GNPDA1: variants seen among roughly 807,000 people sequenced by gnomAD.
The protein encoded by GNPDA1 is GNPDA 1.
In GNPDA1, 24 loss-of-function variants were observed where a neutral mutation model predicts 28.5. The observed-to-expected ratio is 0.84, with a 90% CI of 0.61 to 1.19. The LOEUF (loss-of-function observed/expected upper bound fraction) is 1.19, where lower values mean the gene tolerates loss of function less well. GNPDA1 is among the 50% of genes most tolerant of loss of function. The pLI, the probability that GNPDA1 is intolerant of heterozygous loss-of-function variation, is 0.00. For missense variants in GNPDA1, 264 were observed against 367.3 expected (o/e 0.72, Z 2.30); for synonymous variants, 147 against 139.3 (o/e 1.06, Z -0.39).
intron 5 of GNPDA1, 148 bp downstream of exon 5, chr5:142,004,784 A>C: frequency 2.0e-6 from 1 of 511,328 alleles, no homozygotes; most frequent in Non-Finnish European, 3.5e-6. Context: ...CGCAAGAGGA[A>C]CAGTGAGTAA....
Position 142,003,097 on chromosome 5 carries a change from ACTTGACAGT to A in GNPDA1, c.751_759del (p.Thr251_Lys253del). 6.2e-7 allele frequency: 1 copy of A among 1,612,824 alleles called. No homozygotes were observed. Among genetic ancestry groups the A allele is most frequent in the Non-Finnish European group, 8.5e-7 (1 of 1,179,230 alleles). The stretch of plus-strand genomic sequence containing the variant: ...CCCACACCTCCCTCACCTTTGAAAT[ACTTGACAGT>A]CTTCACTTTCAGCTCCAAGGTGGCA... On this transcript the variant is annotated inframe_deletion, in exon 6 of 7. Transcript: ENST00000311337. The surrounding 1 kb of genome is among the most constrained non-coding windows in gnomAD (Gnocchi z 4.0).
At chr5:142,007,380 C>T (rs903669019) in intron 3 of GNPDA1, among the ~76,000 whole-genome samples, 1 of 151,938 alleles carries the variant, frequency 6.6e-6, no homozygotes, top group Admixed American at 6.6e-5. Context: ...TTCAAGTGTA[C>T]CTGGCAGAAA....
In GNPDA1 at chr5:142,003,667, C is replaced by T. The variant is rs1755731365; in HGVS notation, c.595-405G>A. ...GAAAGAGGGCTCCCAACCTGCACCA[C>T]CAGCAAGGGCACTTTGCAAGCAATG... On this transcript the variant is annotated intron_variant, in intron 5 of 6. Transcript: ENST00000311337. This position sits in a 1 kb window ranked among gnomAD's most constrained non-coding sequence, Gnocchi z 4.0. Among the ~76,000 whole-genome samples the T allele has an allele frequency of 6.6e-6, 1 of 152,220 alleles. No homozygotes were observed.
chr5:142,008,741 G>T (rs1712412945), intron 2 of GNPDA1, among the ~76,000 whole-genome samples: 1 of 148,828 alleles, frequency 6.7e-6, no homozygotes, highest in Non-Finnish European at 1.5e-5. Context: ...AAAAAAAAAA[G>T]TCAATGTCAT....
rs577698464 is a variant in GNPDA1, at chr5:142,005,043, C to T, written c.483G>A (p.Thr161=). ...TGGCCAGGATGGTATCCATGGCCAG[C>T]GTCTTCACACGGGTCCTGGACACCA... ...SSLVSRTRVK[T]LAMDTILANA... The change falls in exon 5 of 7, where the codon ACG becomes ACA. Residue 161 remains threonine, a synonymous_variant. Coordinates refer to ENST00000311337, the MANE Select transcript of GNPDA1 (RefSeq NM_005471.5). 25 of 1,613,394 alleles carry T rather than the reference C, an allele frequency of 1.5e-5. No individual in the cohort carries two copies. Among genetic ancestry groups the T allele is most frequent in the African/African-American group, 5.3e-5 (4 of 75,004 alleles).
chr5:142,007,990 G>A, intron 2 of GNPDA1, 90 bp from the exon 3 acceptor site: 2 of 735,118 alleles, frequency 2.7e-6, no homozygotes, highest in Non-Finnish European at 2.5e-6. Context: ...GCTGCTCACA[G>A]GGAGAACCTG....
chr5:142,006,226 C>T lies in GNPDA1; in HGVS notation c.327G>A (p.Gly109=). The T allele has an allele frequency of 2.5e-6, 4 of 1,613,870 alleles. No individual in the cohort carries two copies. The highest frequency in any genetic ancestry group is 3.4e-6 in the Non-Finnish European group (4 of 1,179,716). The part of the protein sequence containing the change: ...IHPENTHILD[G]NAVDLQAECD... The stretch of plus-strand genomic sequence containing the variant: ...ATTCTGCCTGTAGGTCGACTGCATT[C>T]CCATCCAGAATGTGGGTGTTTTCTG... Residue 109 remains glycine (G), a synonymous_variant, in exon 4 of 7, where the codon GGG becomes GGA. Coordinates refer to ENST00000311337, the MANE Select transcript of GNPDA1 (RefSeq NM_005471.5).
At chr5:142,011,849 C>G (rs1755965016) in intron 2 of GNPDA1, 63 bp downstream of exon 2, 1 of 1,590,620 alleles carries the variant, frequency 6.3e-7, no homozygotes, top group Non-Finnish European at 8.6e-7. Context: ...GCCGGTGTAC[C>G]TGGCCCCTGT....
chr5:142,007,416 G>A (rs1484299165), intron 3 of GNPDA1, among the ~76,000 whole-genome samples: 1 of 152,118 alleles, frequency 6.6e-6, no homozygotes, highest in East Asian at 1.9e-4. Flanking sequence ...ACACACAGAA[G>A]AGAAAGCACA....
At chr5:142,004,631 G>A (rs937981845) in intron 5 of GNPDA1, among the ~76,000 whole-genome samples, 5 of 152,196 alleles carry the variant, frequency 3.3e-5, no homozygotes, top group Non-Finnish European at 7.3e-5. Context: ...CAACATTAGC[G>A]ATGCTGGCCT....
rs1755664332 is a variant in GNPDA1, at chr5:142,001,061, A to G, written c.*968T>C. Reference sequence around the variant, plus strand: ...CAGGACTATTTTAAGTGGGGAAACAATACTAGAAGCATTTGGTGTATTTTC... The same window carrying G: ...CAGGACTATTTTAAGTGGGGAAACAGTACTAGAAGCATTTGGTGTATTTTC... On this transcript the variant is annotated 3_prime_UTR_variant, in exon 7 of 7. Coordinates refer to ENST00000311337, the MANE Select transcript of GNPDA1 (RefSeq NM_005471.5). 1 of 152,356 alleles carries G rather than the reference A, an allele frequency of 6.6e-6. No individual in the cohort carries two copies. 9.4% of individuals were successfully genotyped at this position (152,356 alleles called of 1,614,324 possible).
At chr5:142,011,809 G>A (rs1265551391) in intron 2 of GNPDA1, 103 bp downstream of exon 2, 2 of 1,328,202 alleles carry the variant, frequency 1.5e-6, no homozygotes, top group East Asian at 2.4e-5. Flanking sequence ...CAGTACCCCA[G>A]AGCCCCCGTG....
chr5:142,007,663 C>T, intron 3 of GNPDA1, 136 bp downstream of exon 3: 1 of 641,344 alleles, frequency 1.6e-6, no homozygotes, highest in Non-Finnish European at 2.8e-6. Flanking sequence ...CTGAGTAAAC[C>T]AAGAGGTAAG....
chr5:142,010,955 C>T (rs1755937245), intron 2 of GNPDA1, among the ~76,000 whole-genome samples: 11 of 151,890 alleles, frequency 7.2e-5, no homozygotes, highest in Admixed American at 7.2e-4. Context: ...TATATATTGT[C>T]TTTTCTTTTT....
At chr5:142,006,927 A>T (rs139025827) in intron 3 of GNPDA1, among the ~76,000 whole-genome samples, 1 of 152,310 alleles carries the variant, frequency 6.6e-6, no homozygotes, top group Non-Finnish European at 1.5e-5. Context: ...CACTACAACA[A>T]TGGATGAACC....
intron 2 of GNPDA1, among the ~76,000 whole-genome samples, chr5:142,010,051 G>A (rs781176928): frequency 2.0e-5 from 3 of 152,216 alleles, no homozygotes; most frequent in African/African-American, 4.8e-5. Context: ...CACAGCCTCC[G>A]AGGGCCTGAG....
At chr5:142,002,936 A>G in intron 6 of GNPDA1, 152 bp downstream of exon 6, 1 of 618,500 alleles carries the variant, frequency 1.6e-6, no homozygotes, top group South Asian at 2.1e-5. Flanking sequence ...GGCAGAAGAG[A>G]AATGACTGTG....
At chr5:142,002,949 G>A (rs1755712552) in intron 6 of GNPDA1, 139 bp downstream of exon 6, 5 of 645,074 alleles carry the variant, frequency 7.8e-6, no homozygotes, top group Non-Finnish European at 1.3e-5. Context: ...TGACTGTGTA[G>A]TGTGATGCAG....
At chr5:142,012,497 A>G (rs898537238) in intron 1 of GNPDA1, 1 of 154,574 alleles carries the variant, frequency 6.5e-6, no homozygotes, top group African/African-American at 2.4e-5. Flanking sequence ...CCCTGCCCCT[A>G]CCGGAACGGG....
Sources: allele counts gnomAD v4.1 joint callset (sites outside exome capture counted in the v4.1 genomes callset), GRCh38; gene constraint gnomAD v4.1.1; non-coding constraint Gnocchi (gnomAD v3.1); transcripts MANE v1.5; gene names NCBI Gene and HGNC (gene_info 2026-07-23, HGNC 2026-07-21).